Variants in SHANK2 observed in about 807,000 individuals in gnomAD.
The protein encoded by SHANK2 is SH3 and multiple ankyrin repeat domains 2, also known as SH3 and multiple ankyrin repeat domains protein 2.
Under a neutral mutation model 133.7 loss-of-function variants are expected in SHANK2, and 43 were observed. The observed-to-expected ratio is 0.32, with a 90% confidence interval of 0.25 to 0.41. The LOEUF (loss-of-function observed/expected upper bound fraction) is 0.41. Ranked by LOEUF, SHANK2 falls within the 10% of genes least tolerant of loss-of-function variation. SHANK2 has a pLI of 1.00. For missense variants in SHANK2, 1,994 were observed against 2,235.8 expected (o/e 0.89, Z 2.18); for synonymous variants, 1,017 against 952.8 (o/e 1.07, Z -1.24).
At chr11:70,623,289 T>G (rs2060857199) in intron 17 of SHANK2, among the ~76,000 whole-genome samples, 1 of 151,556 alleles carries the variant, frequency 6.6e-6, no homozygotes, top group Non-Finnish European at 1.5e-5. Flanking sequence ...CGGGCGGTTT[T>G]TGCCTCTGGG....
chr11:70,654,871 G>A (rs548080864), intron 17 of SHANK2, among the ~76,000 whole-genome samples: 96 of 151,722 alleles, frequency 6.3e-4, no homozygotes, highest in South Asian at 1.5e-3. Context: ...GGGTTCAAGC[G>A]ATTCTCCTGC....
chr11:70,636,716 C>T lies in SHANK2; in HGVS notation c.2061+23112G>A, dbSNP rs551482647. On this transcript the variant is annotated intron_variant, in intron 17 of 25. Transcript: ENST00000601538. ...GTAAGCACGTGTGTGAACATATGTGCGAGGATGCATGATGTGTGAATATGT... is the reference window on the plus strand; with the variant it reads ...GTAAGCACGTGTGTGAACATATGTGTGAGGATGCATGATGTGTGAATATGT... Among the ~76,000 whole-genome samples, 45 of 147,542 alleles carry T rather than the reference C, an allele frequency of 3.0e-4. No individual in the cohort carries two copies. The East Asian group carries it at 3.6e-3, about 12-fold the overall frequency.
chr11:70,678,840 C>A (rs949484193), intron 15 of SHANK2, among the ~76,000 whole-genome samples: 1 of 152,138 alleles, frequency 6.6e-6, no homozygotes, highest in Non-Finnish European at 1.5e-5. Flanking sequence ...TGCGCCCAGC[C>A]CAGAACTGGT....
chr11:70,489,385 C>T (rs370671931), intron 23 of SHANK2, 37 bp from the exon 24 acceptor site: 205 of 1,610,574 alleles, frequency 1.3e-4, no homozygotes, highest in Non-Finnish European at 1.6e-4. Context: ...AACCAGTAAC[C>T]GCAAGACAAA....
chr11:70,692,308 G>C lies in SHANK2; in HGVS notation c.1853+6380C>G, dbSNP rs553033264. 7.9e-5 allele frequency among the ~76,000 whole-genome samples: 12 copies of C among 152,242 alleles called. No homozygotes were observed. The East Asian group carries it at 2.3e-3, about 29-fold the overall frequency. ...ACTGCTCACAACTCAGCACCCCTCTGGATTTATATAGCACATGCCTCTTAG... is the reference window on the plus strand; with the variant it reads ...ACTGCTCACAACTCAGCACCCCTCTCGATTTATATAGCACATGCCTCTTAG... On this transcript the variant is annotated intron_variant, in intron 15 of 25. Coordinates refer to ENST00000601538, the MANE Select transcript of SHANK2 (RefSeq NM_012309.5).
chr11:71,195,391 C>CAA (rs59797647), intron 2 of SHANK2, among the ~76,000 whole-genome samples: 4 of 134,696 alleles, frequency 3.0e-5, no homozygotes, highest in East Asian at 2.1e-4. Context: ...GACTCCGTCT[C>CAA]AAAAAAAAAA....
intron 17 of SHANK2, among the ~76,000 whole-genome samples, chr11:70,508,400 C>T (rs1025809844): frequency 1.3e-5 from 2 of 152,256 alleles, no homozygotes; most frequent in African/African-American, 4.8e-5. Context: ...AGTCTGCCCC[C>T]TGCCCTACTT....
chr11:70,638,323 C>A (rs964999912), intron 17 of SHANK2, among the ~76,000 whole-genome samples: 1 of 152,230 alleles, frequency 6.6e-6, no homozygotes, highest in African/African-American at 2.4e-5. Context: ...GGACCCAGGC[C>A]ACAGACCAGC....
At chr11:70,867,959 C>A (rs1555069402) in intron 11 of SHANK2, among the ~76,000 whole-genome samples, 1 of 152,226 alleles carries the variant, frequency 6.6e-6, no homozygotes, top group Non-Finnish European at 1.5e-5. Flanking sequence ...ACTGACTGTG[C>A]CTCCCTCTAA....
chr11:70,760,871 G>A (rs1199173553), intron 14 of SHANK2, among the ~76,000 whole-genome samples: 2 of 152,204 alleles, frequency 1.3e-5, no homozygotes, highest in African/African-American at 4.8e-5. Context: ...GTGGGGCAGA[G>A]GCTGGAGGAT....
intron 10 of SHANK2, among the ~76,000 whole-genome samples, chr11:70,945,494 T>C (rs1376434451): frequency 6.6e-5 from 10 of 152,196 alleles, no homozygotes; most frequent in Admixed American, 6.5e-4. Context: ...CAGCCCTTCC[T>C]GCTGCCATCA....
At chr11:70,692,516 C>T (rs373587024) in intron 15 of SHANK2, among the ~76,000 whole-genome samples, 10 of 152,302 alleles carry the variant, frequency 6.6e-5, no homozygotes, top group East Asian at 1.9e-4. Flanking sequence ...AACTTAGGAC[C>T]GGTGATTTCT....
intron 15 of SHANK2, chr11:70,661,970 G>A (rs920183112): frequency 1.0e-5 from 7 of 673,938 alleles, no homozygotes; most frequent in Non-Finnish European, 1.8e-5. Context: ...CCTGAGGGAT[G>A]GCTGAGCTGG....
At chr11:70,792,604 T>C (rs1191229442) in intron 14 of SHANK2, among the ~76,000 whole-genome samples, 1 of 152,250 alleles carries the variant, frequency 6.6e-6, no homozygotes, top group African/African-American at 2.4e-5. Context: ...TGAATGGAGT[T>C]TACCAACTAA....
intron 17 of SHANK2, among the ~76,000 whole-genome samples, chr11:70,539,773 C>CG (rs531271451): frequency 1.1e-3 from 167 of 152,146 alleles, no homozygotes; most frequent in African/African-American, 3.8e-3. Context: ...GCTTCTCTCC[C>CG]GGGGGGGCCG....
At chr11:70,652,773 G>A (rs1401572936) in intron 17 of SHANK2, among the ~76,000 whole-genome samples, 1 of 152,174 alleles carries the variant, frequency 6.6e-6, no homozygotes, top group African/African-American at 2.4e-5. Flanking sequence ...ATTGTGCCAT[G>A]CACTCCAGCC....
intron 17 of SHANK2, among the ~76,000 whole-genome samples, chr11:70,560,329 T>C (rs572535661): frequency 5.0e-4 from 76 of 152,238 alleles, no homozygotes; most frequent in African/African-American, 1.8e-3. Context: ...GAACAAAAGA[T>C]GTGCCAAGAC....
chr11:71,148,154 G>A (rs868975979), intron 2 of SHANK2, among the ~76,000 whole-genome samples: 38 of 150,426 alleles, frequency 2.5e-4, no homozygotes, highest in Admixed American at 2.3e-3. Flanking sequence ...GCGTGATCTC[G>A]GCTCACCGCA....
At chr11:71,141,666 A>T (rs781973420) in intron 3 of SHANK2, among the ~76,000 whole-genome samples, 2 of 152,176 alleles carry the variant, frequency 1.3e-5, no homozygotes, top group Non-Finnish European at 2.9e-5. Flanking sequence ...CGTTATTACC[A>T]GCATGAGAAT....
Sources: gnomAD v4.1 joint callset for allele counts (sites outside exome capture counted in the v4.1 genomes callset) on GRCh38, gnomAD v4.1.1 for gene constraint, MANE v1.5 for transcripts, NCBI Gene and HGNC (gene_info 2026-07-23, HGNC 2026-07-21) for gene names.